NSL1: variants seen among roughly 807,000 people sequenced by gnomAD.
The protein encoded by NSL1 is NSL1 component of MIS12 kinetochore complex, also known as kinetochore-associated protein NSL1 homolog.
NSL1 carries 11 observed loss-of-function variants against 25.4 expected under a neutral mutation model. That is an observed-to-expected ratio of 0.43 (90% CI 0.27 to 0.72). The LOEUF is 0.72. Among genes scored for constraint, NSL1 ranks in the 30% least tolerant of loss-of-function variants. The probability of loss-of-function intolerance (pLI) is 0.19; values close to 1 mark genes in which losing one functional copy is unlikely to be tolerated. For synonymous variants in NSL1, 118 were observed against 120.6 expected, an observed-to-expected ratio of 0.98 and a Z score of 0.14; for missense variants, 330 against 342.7, an observed-to-expected ratio of 0.96 and a Z score of 0.29.
At chr1:212,766,277 G>A (rs774865272) in intron 4 of NSL1, 10 of 624,672 alleles carry the variant, frequency 1.6e-5, no homozygotes, top group South Asian at 1.1e-4. Context: ...TTGAGAACTG[G>A]AACAAGACAA....
At position 212,734,564 on chromosome 1, in the gene NSL1, C is replaced by T. The variant is rs1378577161; in HGVS notation, c.*3844G>A. ...TCCCAGTTAATATCTCCCCTCTCCC[C>T]AGAGGGAACCACCATGGCTTAGTTT... is the stretch of plus-strand genomic sequence containing the variant. On this transcript the variant is annotated 3_prime_UTR_variant, in exon 6 of 6. Coordinates refer to ENST00000366977, the MANE Select transcript of NSL1 (RefSeq NM_015471.4). Among the ~76,000 whole-genome samples the T allele has an allele frequency of 6.6e-6, 1 of 152,214 alleles. No homozygotes were observed. The highest frequency in any genetic ancestry group is 1.5e-5 in the Non-Finnish European group (1 of 68,034).
chr1:212,742,609 A>G (rs1029420815), intron 4 of NSL1, among the ~76,000 whole-genome samples: 2 of 152,200 alleles, frequency 1.3e-5, no homozygotes, highest in African/African-American at 4.8e-5. Context: ...GTCAATATAT[A>G]CATTAACTTA....
chr1:212,777,883 G>A (rs538798728), intron 4 of NSL1, among the ~76,000 whole-genome samples: 6 of 152,186 alleles, frequency 3.9e-5, no homozygotes, highest in East Asian at 1.9e-4. Flanking sequence ...GAAATATTTC[G>A]AAGAATAAAA....
intron 4 of NSL1, among the ~76,000 whole-genome samples, chr1:212,748,031 GCT>G (rs1301057120): frequency 1.3e-5 from 2 of 151,106 alleles, no homozygotes; most frequent in Non-Finnish European, 3.0e-5. Context: ...CTCCCAAAGT[GCT>G]GGGATTACAG....
rs774517049 is a variant in NSL1, at chr1:212,791,683, C to T, written c.81G>A (p.Leu27=). Residue 27 remains leucine, a synonymous_variant, in exon 1 of 6, where the codon TTG becomes TTA. Coordinates refer to ENST00000366977, the MANE Select transcript of NSL1 (RefSeq NM_015471.4). ...ELAAGTESQA[L]VSATPREDFR... is the part of the protein sequence containing the mutation. Reference sequence around the variant, plus strand: ...AGTCTTCTCGGGGAGTGGCGGAGACCAAGGCCTGGCTCTCTGTGCCAGCCG... The same window carrying T: ...AGTCTTCTCGGGGAGTGGCGGAGACTAAGGCCTGGCTCTCTGTGCCAGCCG... 4 of 1,614,000 alleles carry T rather than the reference C, an allele frequency of 2.5e-6. No individual in the cohort carries two copies. The highest frequency in any genetic ancestry group is 3.4e-6 in the Non-Finnish European group (4 of 1,180,030).
At chr1:212,776,722 A>T (rs71646179) in intron 4 of NSL1, among the ~76,000 whole-genome samples, 1 of 131,866 alleles carries the variant, frequency 7.6e-6, no homozygotes, top group South Asian at 2.5e-4. Flanking sequence ...ACAAAACAAA[A>T]CAACAACAAC....
chr1:212,734,972 G>C lies in NSL1; in HGVS notation c.*3436C>G, dbSNP rs192763662. On this transcript the variant is annotated 3_prime_UTR_variant, in exon 6 of 6. Transcript: ENST00000366977. ...GATCATAGAGTACTCATATGCACCA[G>C]TTATTAGTCTAAGGCCTTCACATTA... Among the ~76,000 whole-genome samples the C allele has an allele frequency of 4.2e-4, 64 of 152,312 alleles. No homozygotes were observed. Among genetic ancestry groups the C allele is most frequent in the Non-Finnish European group, 6.0e-4 (41 of 68,030 alleles).
intron 1 of NSL1, among the ~76,000 whole-genome samples, chr1:212,789,279 T>C (rs1199815702): frequency 1.3e-5 from 2 of 152,234 alleles, no homozygotes; most frequent in Non-Finnish European, 2.9e-5. Flanking sequence ...TGGCGCAATC[T>C]TGGCTCACTG....
At chr1:212,748,893 G>A (rs1196541978) in intron 4 of NSL1, among the ~76,000 whole-genome samples, 1 of 152,084 alleles carries the variant, frequency 6.6e-6, no homozygotes, top group South Asian at 2.1e-4. Context: ...GGCCCCAATT[G>A]TGAATATTTT....
chr1:212,788,322 A>G (rs1238539840), intron 1 of NSL1, among the ~76,000 whole-genome samples: 1 of 152,222 alleles, frequency 6.6e-6, no homozygotes, highest in African/African-American at 2.4e-5. Flanking sequence ...CTGAGGCTAG[A>G]GGATTACTTG....
Position 212,763,385 on chromosome 1 carries a change from A to T in NSL1, c.499+18987T>A, listed in dbSNP as rs548487727. Among the ~76,000 whole-genome samples the T allele has an allele frequency of 3.3e-4, 50 of 152,334 alleles. No homozygotes were observed. The South Asian group carries it at 8.1e-3, about 25-fold the overall frequency. On this transcript the variant is annotated intron_variant, in intron 4 of 5. Transcript: ENST00000366977. ...AAAACAACAACAGAATGAAAAAAAA[A>T]CAAAGTATCTAAGTAACAACTAACA...
At position 212,731,595 on chromosome 1, in the gene NSL1, C is replaced by G; in HGVS notation, c.*6813G>C. The G allele has an allele frequency of 1.0e-6, 1 of 985,412 alleles. No homozygotes were observed. The highest frequency in any genetic ancestry group is 1.2e-6 in the Non-Finnish European group (1 of 829,926). 61.0% of individuals were successfully genotyped at this position (985,412 alleles called of 1,614,324 possible). A position where few individuals can be genotyped will look rare whatever the true frequency, so the allele number is the denominator to read the frequency against. ...GGCTTCTATCAAAAATTATCAGTCC[C>G]TGGCCCAGTTCCCCCACCTAAGTTC... On this transcript the variant is annotated 3_prime_UTR_variant, in exon 6 of 6. Coordinates refer to ENST00000366977, the MANE Select transcript of NSL1 (RefSeq NM_015471.4).
At position 212,735,496 on chromosome 1, in the gene NSL1, C is replaced by T. The variant is rs1658197731; in HGVS notation, c.*2912G>A. Reference sequence around the variant, plus strand: ...TTTATTCACTTTGTCCTCTACGGAGCCCAAGCCATAAAGGGCCAGGGAAAG... The same window carrying T: ...TTTATTCACTTTGTCCTCTACGGAGTCCAAGCCATAAAGGGCCAGGGAAAG... On this transcript the variant is annotated 3_prime_UTR_variant, in exon 6 of 6. Transcript: ENST00000366977. The T allele has an allele frequency of 1.0e-6, 1 of 985,262 alleles. No homozygotes were observed. The highest frequency in any genetic ancestry group is 4.7e-5 in the South Asian group (1 of 21,286). The allele number at this position is 985,262 out of a possible 1,614,324, so 61.0% of individuals were successfully genotyped here. A position where few individuals can be genotyped will look rare whatever the true frequency, so the allele number is the denominator to read the frequency against.
At chr1:212,777,219 A>T (rs6671764) in intron 4 of NSL1, among the ~76,000 whole-genome samples, 2,378 of 152,096 alleles carry the variant, frequency 0.016, 65 homozygotes, top group African/African-American at 0.054. Flanking sequence ...ACAAAAAAAA[A>T]TTTTTTAACT....
In NSL1 at chr1:212,735,299, A is replaced by T. The variant is rs1158674837; in HGVS notation, c.*3109T>A. 38 of 985,090 alleles carry T rather than the reference A, an allele frequency of 3.9e-5. No homozygotes were observed. Among genetic ancestry groups the T allele is most frequent in the Non-Finnish European group, 3.5e-5 (29 of 829,724 alleles). 61.0% of individuals were successfully genotyped at this position (985,090 alleles called of 1,614,324 possible). Reference sequence around the variant, plus strand: ...AGAGGCTGTGCTCTTAAGATCTCTGACTTTTGATCCGAGTAGGTGTCCAAC... The same window carrying T: ...AGAGGCTGTGCTCTTAAGATCTCTGTCTTTTGATCCGAGTAGGTGTCCAAC... On this transcript the variant is annotated 3_prime_UTR_variant, in exon 6 of 6. Transcript: ENST00000366977.
Position 212,791,554 on chromosome 1 carries a change from C to T in NSL1, c.210G>A (p.Glu70=), listed in dbSNP as rs1051813383. Residue 70 remains glutamate, a synonymous_variant, in exon 1 of 6, where the codon GAG becomes GAA. Coordinates refer to ENST00000366977, the MANE Select transcript of NSL1 (RefSeq NM_015471.4). ...CCCACTGCGCATCTCGCAGAGCGGG[C>T]TCCCGAATCTCCTCCGGCAGAGCGT... ...LGDALPEEIR[E]PALRDAQWTF... 5.6e-6 allele frequency: 9 copies of T among 1,613,620 alleles called. No homozygotes were observed. In the African/African-American group the frequency reaches 1.2e-4, roughly 22 times the overall value.
intron 4 of NSL1, among the ~76,000 whole-genome samples, chr1:212,768,368 T>C (rs1659936456): frequency 7.0e-6 from 1 of 143,074 alleles, no homozygotes; most frequent in South Asian, 2.2e-4. Flanking sequence ...TACCATTCGA[T>C]CCAGCAATCC....
chr1:212,743,464 ATTTGTTTT>A (rs931036813), intron 4 of NSL1, among the ~76,000 whole-genome samples: 26 of 128,904 alleles, frequency 2.0e-4, no homozygotes, highest in Non-Finnish European at 4.1e-4. Flanking sequence ...CGCCTGGCTT[ATTTGTTTT>A]TTTTTTTTTA....
rs1660763720 is a variant in NSL1 at position 212,782,321 on chromosome 1, AAAAATTATAAGCAGATGC to A, written c.499+33_499+50del. On this transcript the variant is annotated intron_variant, in intron 4 of 5. Coordinates refer to ENST00000366977, the MANE Select transcript of NSL1 (RefSeq NM_015471.4). ...TTTTAGAAGAATATCAGAAACCCATAAAAATTATAAGCAGATGCTTCATTTTTACCACAAATGGATACT... is the reference window on the plus strand; with the variant it reads ...TTTTAGAAGAATATCAGAAACCCATATTCATTTTTACCACAAATGGATACT... 2.3e-6 allele frequency: 3 copies of A among 1,311,614 alleles called. No homozygotes were observed. The East Asian group carries it at 6.9e-5, about 30-fold the overall frequency. 81.2% of individuals were successfully genotyped at this position (1,311,614 alleles called of 1,614,324 possible).
Sources: gnomAD v4.1 joint callset for allele counts (sites outside exome capture counted in the v4.1 genomes callset) on GRCh38, gnomAD v4.1.1 for gene constraint, MANE v1.5 for transcripts, NCBI Gene and HGNC (gene_info 2026-07-23, HGNC 2026-07-21) for gene names.